AMBRA1: variants seen among roughly 807,000 people sequenced by gnomAD.
AMBRA1 encodes the protein activating molecule in BECN1-regulated autophagy protein 1.
AMBRA1 carries 47 observed loss-of-function variants against 125.4 expected under a neutral mutation model. The ratio of observed to expected loss-of-function variants is 0.37; its 90% confidence interval spans 0.30 to 0.48. AMBRA1 has a LOEUF of 0.48. Among genes scored for constraint, AMBRA1 ranks in the 20% least tolerant of loss-of-function variants. AMBRA1 has a pLI of 0.99. For synonymous variants in AMBRA1, 626 were observed against 655.5 expected, an observed-to-expected ratio of 0.95 and a Z score of 0.69; for missense variants, 1,331 against 1,693.4, an observed-to-expected ratio of 0.79 and a Z score of 3.76.
At chr11:46,569,099 G>A (rs1243220409) in intron 1 of AMBRA1, among the ~76,000 whole-genome samples, 1 of 151,050 alleles carries the variant, frequency 6.6e-6, no homozygotes, top group Non-Finnish European at 1.5e-5. Context: ...GAGCCACCAT[G>A]CCCAGCCGAC....
Position 46,544,035 on chromosome 11 carries a change from C to T in AMBRA1, c.558G>A (p.Val186=). Residue 186 remains valine, a synonymous_variant, in exon 6 of 18, where the codon GTG becomes GTA. Transcript: ENST00000683756. ...TASEMERVRL[V]RFDPLGHYLL... ...AGTAGTGTCCAAGTGGATCAAATCT[C>T]ACCAGACTAAAATCACAGAAGAAAG... 1 of 1,613,544 alleles carries T rather than the reference C, an allele frequency of 6.2e-7. No homozygotes were observed. Among genetic ancestry groups the T allele is most frequent in the Non-Finnish European group, 8.5e-7 (1 of 1,179,626 alleles).
chr11:46,556,905 G>A (rs992121518), intron 1 of AMBRA1, among the ~76,000 whole-genome samples: 2 of 152,192 alleles, frequency 1.3e-5, no homozygotes, highest in Non-Finnish European at 2.9e-5. Context: ...GGGAGGCTGA[G>A]GCGGGTGGAT....
At chr11:46,479,146 T>TG (rs1169336452) in intron 11 of AMBRA1, among the ~76,000 whole-genome samples, 1 of 151,898 alleles carries the variant, frequency 6.6e-6, no homozygotes, top group Non-Finnish European at 1.5e-5. Flanking sequence ...TGCAGTGAGC[T>TG]GTAATCAAAC....
intron 1 of AMBRA1, among the ~76,000 whole-genome samples, chr11:46,582,391 C>A (rs921092202): frequency 1.3e-5 from 2 of 152,112 alleles, no homozygotes; most frequent in African/African-American, 4.8e-5. Context: ...ACTATAATCT[C>A]TTTTTATTCT....
intron 8 of AMBRA1, among the ~76,000 whole-genome samples, chr11:46,509,116 C>G (rs1374614750): frequency 6.6e-6 from 1 of 152,216 alleles, no homozygotes; most frequent in Non-Finnish European, 1.5e-5. Context: ...TGCGTGGGCA[C>G]TGGGCAATAT....
At chr11:46,450,525 A>G (rs932890746) in intron 11 of AMBRA1, among the ~76,000 whole-genome samples, 3 of 151,498 alleles carry the variant, frequency 2.0e-5, no homozygotes, top group Admixed American at 2.0e-4. Flanking sequence ...CGGAAGCCTC[A>G]ATTTTCTGGG....
intron 17 of AMBRA1, among the ~76,000 whole-genome samples, chr11:46,403,688 T>C (rs1945868553): frequency 6.6e-6 from 1 of 152,122 alleles, no homozygotes; most frequent in Non-Finnish European, 1.5e-5. Flanking sequence ...AAGTTGAACA[T>C]GCAAAAAAGC....
Position 46,543,273 on chromosome 11 carries a change from G to A in AMBRA1, c.744C>T (p.Ser248=), listed in dbSNP as rs745886854. 7.4e-6 allele frequency: 12 copies of A among 1,614,030 alleles called. No individual in the cohort carries two copies. Among genetic ancestry groups the A allele is most frequent in the Non-Finnish European group, 1.0e-5 (12 of 1,180,004 alleles). The change falls in exon 7 of 18, where the codon TCC becomes TCT. Residue 248 remains serine (S), a synonymous_variant. Transcript: ENST00000683756. The part of the protein sequence containing the change: ...PLLHNFLHML[S]SRSSGIQVGE... ...CCACCTGGATGCCAGAAGAGCGGGAGGACAGCATGTGCAGGAAATTGTGGA... is the reference window on the plus strand; with the variant it reads ...CCACCTGGATGCCAGAAGAGCGGGAAGACAGCATGTGCAGGAAATTGTGGA...
At chr11:46,446,771 T>C (rs1055790383) in intron 11 of AMBRA1, among the ~76,000 whole-genome samples, 4 of 152,206 alleles carry the variant, frequency 2.6e-5, no homozygotes, top group Admixed American at 2.0e-4. Flanking sequence ...GATAAACATA[T>C]CCTACATTTT....
chr11:46,492,849 A>G (rs1398133911), intron 11 of AMBRA1, among the ~76,000 whole-genome samples: 2 of 152,226 alleles, frequency 1.3e-5, no homozygotes, highest in African/African-American at 4.8e-5. Flanking sequence ...GGAGATTGAG[A>G]TCATCCTGGC....
chr11:46,569,955 C>T (rs949969558), intron 1 of AMBRA1, among the ~76,000 whole-genome samples: 9 of 149,846 alleles, frequency 6.0e-5, no homozygotes, highest in Admixed American at 2.0e-4. Context: ...AGTGAGACTT[C>T]GTCTCAAAAT....
At chr11:46,558,824 G>A (rs181089178) in intron 1 of AMBRA1, among the ~76,000 whole-genome samples, 4 of 152,262 alleles carry the variant, frequency 2.6e-5, no homozygotes, top group Non-Finnish European at 4.4e-5. Context: ...CATAGTCCCA[G>A]TACCTAGCAC....
chr11:46,490,852 T>A (rs1023719423), intron 11 of AMBRA1: 3 of 152,134 alleles, frequency 2.0e-5, no homozygotes, highest in African/African-American at 7.2e-5. Flanking sequence ...GTAGAACAAA[T>A]GTCTGCTAAA....
chr11:46,582,042 A>C (rs1412715176), intron 1 of AMBRA1, among the ~76,000 whole-genome samples: 1 of 151,104 alleles, frequency 6.6e-6, no homozygotes, highest in Non-Finnish European at 1.5e-5. Context: ...TTGAGCCTAG[A>C]AGGTCAAGAC....
intron 9 of AMBRA1, among the ~76,000 whole-genome samples, chr11:46,503,250 C>T (rs1407340067): frequency 6.6e-6 from 1 of 151,826 alleles, no homozygotes; most frequent in Non-Finnish European, 1.5e-5. Context: ...ATACAGAGGT[C>T]ACTATAGGGA....
At position 46,424,530 on chromosome 11, in the gene AMBRA1, C is replaced by T. The variant is rs547720125; in HGVS notation, c.2977-6478G>A. Among the ~76,000 whole-genome samples, 75 of 152,344 alleles carry T rather than the reference C, an allele frequency of 4.9e-4. 1 individual carries two copies. The highest frequency in any genetic ancestry group is 4.6e-3 in the South Asian group (22 of 4,828). Reference sequence around the variant, plus strand: ...TTCTGTGCTAAAAGAAATACTGAGGCACTCACGGCTTCTGGAATTCCCAGA... The same window carrying T: ...TTCTGTGCTAAAAGAAATACTGAGGTACTCACGGCTTCTGGAATTCCCAGA... On this transcript the variant is annotated intron_variant, in intron 14 of 17. Coordinates refer to ENST00000683756, the MANE Select transcript of AMBRA1 (RefSeq NM_001387011.1).
chr11:46,537,540 ATCT>A (rs2135150956), intron 7 of AMBRA1, among the ~76,000 whole-genome samples: 1 of 152,288 alleles, frequency 6.6e-6, no homozygotes, highest in African/African-American at 2.4e-5. Context: ...CAATACCCTG[ATCT>A]TCTGCTGGAT....
At chr11:46,452,504 T>C (rs750382699) in intron 11 of AMBRA1, among the ~76,000 whole-genome samples, 3 of 152,162 alleles carry the variant, frequency 2.0e-5, no homozygotes, top group Non-Finnish European at 4.4e-5. Flanking sequence ...AACTTTTCTC[T>C]TATGGATTAT....
chr11:46,406,963 G>A (rs1236852496), intron 17 of AMBRA1, among the ~76,000 whole-genome samples: 3 of 151,866 alleles, frequency 2.0e-5, no homozygotes, highest in African/African-American at 7.3e-5. Flanking sequence ...GGCGGATCAC[G>A]AGGTCAGGAG....
Sources: allele counts gnomAD v4.1 joint callset (sites outside exome capture counted in the v4.1 genomes callset), GRCh38; gene constraint gnomAD v4.1.1; transcripts MANE v1.5; gene names NCBI Gene and HGNC (gene_info 2026-07-23, HGNC 2026-07-21).